The following PLOD1 variants were observed in gnomAD, a reference collection of about 807,000 sequenced individuals.
PLOD1 encodes lysine hydroxylase.
PLOD1 carries 70 observed loss-of-function variants against 94.7 expected under a neutral mutation model. The ratio of observed to expected loss-of-function variants is 0.74; its 90% CI spans 0.61 to 0.90. The LOEUF (loss-of-function observed/expected upper bound fraction) is 0.90. PLOD1 is among the 40% of genes least tolerant of loss of function. PLOD1 has a pLI of 0.00. For missense variants in PLOD1, 905 were observed against 972.7 expected (o/e 0.93, Z 0.93); for synonymous variants, 417 against 400.2 (o/e 1.04, Z -0.50).
In PLOD1 at chr1:11,975,182, T is replaced by C. The variant is rs1645895595; in HGVS notation, c.*374T>C. ...CCCCAAGTTGCCCAGAAAGACTGTC[T>C]GGGTGAGAAGCCATGGCCAGAGCTT... is the stretch of plus-strand genomic sequence containing the variant. On this transcript the variant is annotated 3_prime_UTR_variant, in exon 19 of 19. Transcript: ENST00000196061. 1 of 338,938 alleles carries C rather than the reference T, an allele frequency of 3.0e-6. No individual in the cohort carries two copies. The highest frequency in any genetic ancestry group is 3.9e-5 in the Admixed American group (1 of 25,500). 21.0% of individuals were successfully genotyped at this position (338,938 alleles called of 1,614,324 possible). A position where few individuals can be genotyped will look rare whatever the true frequency, so the allele number is the denominator to read the frequency against.
intron 6 of PLOD1, among the ~76,000 whole-genome samples, chr1:11,955,609 GCTAT>G (rs952112497): frequency 6.6e-6 from 1 of 152,030 alleles, no homozygotes; most frequent in African/African-American, 2.4e-5. Context: ...CAGGTCAGGA[GCTAT>G]CTGTTTTCCT....
Position 11,950,385 on chromosome 1 carries a change from C to A in PLOD1, c.331C>A (p.Arg111=), listed in dbSNP as rs772221158. The A allele has an allele frequency of 5.0e-6, 8 of 1,614,146 alleles. No homozygotes were observed. The highest frequency in any genetic ancestry group is 6.8e-6 in the Non-Finnish European group (8 of 1,180,024). ...SYDVLFASGP[R]ELLKKFRQAR... is the part of the protein sequence containing the mutation. ...TGACGTGCTGTTTGCATCGGGGCCCCGGGAGCTCCTGAAGAAGTTCCGGCA... is the reference window on the plus strand; with the variant it reads ...TGACGTGCTGTTTGCATCGGGGCCCAGGGAGCTCCTGAAGAAGTTCCGGCA... The change falls in exon 4 of 19, where the codon CGG becomes AGG. Residue 111 remains arginine, a synonymous_variant. Coordinates refer to ENST00000196061, the MANE Select transcript of PLOD1 (RefSeq NM_000302.4).
At chr1:11,937,463 G>C (rs1010044530) in intron 1 of PLOD1, among the ~76,000 whole-genome samples, 2 of 152,210 alleles carry the variant, frequency 1.3e-5, no homozygotes, top group Non-Finnish European at 2.9e-5. Context: ...TGACCACCGG[G>C]CTGTGCAAAG....
At chr1:11,955,662 C>T (rs1221524419) in intron 6 of PLOD1, among the ~76,000 whole-genome samples, 1 of 152,002 alleles carries the variant, frequency 6.6e-6, no homozygotes, top group South Asian at 2.1e-4. Context: ...CTTGCTCCAT[C>T]GCCCAGGCTG....
chr1:11,960,718 G>T lies in PLOD1; in HGVS notation c.1048G>T (p.Val350Leu). ...HGSEYQSVKL[V>L]GPEVRMANAD... ...CAGCGAGTACCAGTCTGTGAAGCTG[G>T]TGGGCCCTGAGGTGCGGATGGCGAA... is the stretch of plus-strand genomic sequence containing the variant. Residue 350 changes from valine to leucine, a missense_variant, in exon 10 of 19, where the codon GTG becomes TTG. By Grantham distance (32) the Val-to-Leu change is conservative (BLOSUM62 1). Coordinates refer to ENST00000196061, the MANE Select transcript of PLOD1 (RefSeq NM_000302.4). The T allele has an allele frequency of 6.2e-7, 1 of 1,613,660 alleles. No individual in the cohort carries two copies. The highest frequency in any genetic ancestry group is 1.1e-5 in the South Asian group (1 of 91,058).
At chr1:11,935,213 G>A (rs1490433985) in intron 1 of PLOD1, among the ~76,000 whole-genome samples, 2 of 152,166 alleles carry the variant, frequency 1.3e-5, no homozygotes, top group Non-Finnish European at 2.9e-5. Context: ...TATTATCCCC[G>A]TTTTCCAGCT....
chr1:11,971,655 A>G (rs1275295114), intron 17 of PLOD1: 1 of 152,492 alleles, frequency 6.6e-6, no homozygotes, highest in African/African-American at 2.4e-5. Context: ...GGCATGAGCC[A>G]CCGTGCCTGG....
At position 11,954,899 on chromosome 1, in the gene PLOD1, C is replaced by G. The variant is rs1407178159; in HGVS notation, c.643+6C>G. Reference sequence around the variant, plus strand: ...GAACCTGGATGGAGCCTTGGGTGAGCAGCCCCCACGGGGAGGGGTGGATCC... The same window carrying G: ...GAACCTGGATGGAGCCTTGGGTGAGGAGCCCCCACGGGGAGGGGTGGATCC... On this transcript the variant is annotated splice_donor_region_variant and intron_variant, in intron 6 of 18. Transcript: ENST00000196061. The G allele has an allele frequency of 6.2e-7, 1 of 1,608,878 alleles. No homozygotes were observed. The highest frequency in any genetic ancestry group is 1.3e-5 in the African/African-American group (1 of 74,950).
chr1:11,971,227 G>A (rs1334659976), intron 17 of PLOD1, among the ~76,000 whole-genome samples: 3 of 126,466 alleles, frequency 2.4e-5, no homozygotes, highest in African/African-American at 9.1e-5. Flanking sequence ...GGTGGAGTGG[G>A]GGGCTTGGGT....
At chr1:11,953,348 GC>G (rs1036991780) in intron 5 of PLOD1, among the ~76,000 whole-genome samples, 1 of 151,802 alleles carries the variant, frequency 6.6e-6, no homozygotes, top group Non-Finnish European at 1.5e-5. Flanking sequence ...GAGCCACCGT[GC>G]CCGGCTGTCG....
At position 11,954,985 on chromosome 1, in the gene PLOD1, G is replaced by A. The variant is rs1024194421; in HGVS notation, c.643+92G>A. On this transcript the variant is annotated intron_variant, in intron 6 of 18. Coordinates refer to ENST00000196061, the MANE Select transcript of PLOD1 (RefSeq NM_000302.4). ...CGAGCCCAGGGAGGAGAAATGGGCT[G>A]CTTCTTTCTGGCCATTGTGCTGAGA... is the stretch of plus-strand genomic sequence containing the variant. 9 of 991,804 alleles carry A rather than the reference G, an allele frequency of 9.1e-6. No homozygotes were observed. The African/African-American group carries it at 1.3e-4, about 14-fold the overall frequency. 61.4% of individuals were successfully genotyped at this position (991,804 alleles called of 1,614,324 possible).
chr1:11,968,873 G>A (rs1267132451), intron 16 of PLOD1, among the ~76,000 whole-genome samples: 5 of 142,566 alleles, frequency 3.5e-5, no homozygotes, highest in South Asian at 2.2e-4. Context: ...GTGGAGCCTC[G>A]CTCTGTCGCC....
intron 1 of PLOD1, chr1:11,944,440 C>CACACACAT: frequency 1.1e-6 from 1 of 876,342 alleles, no homozygotes; most frequent in Non-Finnish European, 1.7e-6. Context: ...CACACACACA[C>CACACACAT]ACACACACAC....
chr1:11,967,405 G>T lies in PLOD1; in HGVS notation c.1755+314G>T, dbSNP rs535631520. Among the ~76,000 whole-genome samples the T allele has an allele frequency of 3.3e-5, 5 of 151,434 alleles. No homozygotes were observed. In the South Asian group the frequency reaches 1.0e-3, roughly 32 times the overall value. On this transcript the variant is annotated intron_variant, in intron 16 of 18. Transcript: ENST00000196061. ...CCCTAGACTTCCCCCAGGTGGAGCT[G>T]GGGAGGAAAGGGCCAAGGTGGGATG...
At chr1:11,945,245 C>T (rs1264584744) in intron 1 of PLOD1, among the ~76,000 whole-genome samples, 2 of 151,958 alleles carry the variant, frequency 1.3e-5, no homozygotes, top group African/African-American at 2.4e-5. Context: ...CATGGTGAAA[C>T]CTCATCTCCA....
In PLOD1 at chr1:11,952,640, C is replaced by A; in HGVS notation, c.484C>A (p.Pro162Thr). ...ACCTTCAGGCTTCATCGGTTATGCC[C>A]CCAACCTCAGCAAACTGGTGGCCGA... Reference protein sequence around the residue: ...LGSGGFIGYAPNLSKLVAEWE... With the variant: ...LGSGGFIGYATNLSKLVAEWE... Residue 162 changes from proline (P) to threonine (T), a missense_variant, in exon 5 of 19, where the codon CCC (proline) becomes ACC (threonine). Pro to Thr is a conservative substitution (Grantham distance 38). Coordinates refer to ENST00000196061, the MANE Select transcript of PLOD1 (RefSeq NM_000302.4). 1 of 1,614,006 alleles carries A rather than the reference C, an allele frequency of 6.2e-7. No homozygotes were observed. The highest frequency in any genetic ancestry group is 8.5e-7 in the Non-Finnish European group (1 of 1,179,904).
intron 1 of PLOD1, chr1:11,944,422 T>TAC (rs5772479): frequency 0.021 from 10,018 of 475,932 alleles, 124 homozygotes; most frequent in African/African-American, 0.075. Context: ...CATGCACGCG[T>TAC]ACACACACAC....
rs886043926 is a variant in PLOD1, at chr1:11,950,455, CA to C, written c.402del (p.Asp135ThrfsTer92). On this transcript the variant is annotated frameshift_variant, in exon 4 of 19. Coordinates refer to ENST00000196061, the MANE Select transcript of PLOD1 (RefSeq NM_000302.4). LOFTEE classifies it high-confidence loss of function. Reference sequence around the variant, plus strand: ...TTCTCTGCTGAGGAGCTCATCTACCCAGACCGCAGGCTGGAGACCAAGTATC... The same window carrying C: ...TTCTCTGCTGAGGAGCTCATCTACCCGACCGCAGGCTGGAGACCAAGTATC... ...VVFSAEELIY[P>X]DRRLETKYPV... is the part of the protein sequence containing the mutation. 1 of 1,614,174 alleles carries C rather than the reference CA, an allele frequency of 6.2e-7. No individual in the cohort carries two copies. Among genetic ancestry groups the C allele is most frequent in the Non-Finnish European group, 8.5e-7 (1 of 1,180,020 alleles).
At chr1:11,948,115 G>A (rs1475263790) in intron 2 of PLOD1, 48 bp downstream of exon 2, 1 of 1,269,484 alleles carries the variant, frequency 7.9e-7, no homozygotes, top group Non-Finnish European at 1.2e-6. Flanking sequence ...GTGGCAGGAG[G>A]ATCTAGGAGC....
Sources: gnomAD v4.1 joint callset for allele counts (sites outside exome capture counted in the v4.1 genomes callset) on GRCh38, gnomAD v4.1.1 for gene constraint, MANE v1.5 for transcripts, NCBI Gene and HGNC (gene_info 2026-07-23, HGNC 2026-07-21) for gene names.